The following SPTBN2 variants were observed in gnomAD, a reference collection of about 807,000 sequenced individuals.
The protein encoded by SPTBN2 is spectrin beta chain, non-erythrocytic 2.
A neutral mutation model predicts 284.2 loss-of-function variants in SPTBN2; 107 were observed. That is an observed-to-expected ratio of 0.38 (90% CI 0.32 to 0.44). SPTBN2 has a LOEUF of 0.44. Ranked by LOEUF, SPTBN2 falls within the 20% of genes least tolerant of loss-of-function variation. The pLI, the probability that SPTBN2 is intolerant of heterozygous loss-of-function variation, is 1.00. For missense variants in SPTBN2, 2,569 were observed against 3,287.1 expected (o/e 0.78, Z 5.34); for synonymous variants, 1,289 against 1,354.8 (o/e 0.95, Z 1.07).
rs1362418590 is a variant in SPTBN2 at position 66,718,527 on chromosome 11, CG to C, written c.158-2547del. Among the ~76,000 whole-genome samples the C allele has an allele frequency of 6.6e-6, 1 of 152,212 alleles. No individual in the cohort carries two copies. The highest frequency in any genetic ancestry group is 1.5e-5 in the Non-Finnish European group (1 of 68,042). ...GCAGCTGGTGAAAGCAGGAGGCCCC[CG>C]GGGTTGTGGGCCCCTTCCACAGCCT... On this transcript the variant is annotated intron_variant, in intron 3 of 37. Transcript: ENST00000533211. This position sits in a 1 kb window ranked among gnomAD's most constrained non-coding sequence, Gnocchi z 4.8.
At chr11:66,704,568 C>G in intron 15 of SPTBN2, 30 bp downstream of exon 15, 2 of 1,603,268 alleles carry the variant, frequency 1.2e-6, no homozygotes, top group Non-Finnish European at 1.7e-6. Context: ...CCTCCCAAGG[C>G]TGGTCCCACT....
chr11:66,708,932 G>A lies in SPTBN2; in HGVS notation c.1161C>T (p.Arg387=), dbSNP rs74909073. The A allele has an allele frequency of 4.2e-3, 6,773 of 1,614,018 alleles. 19 individuals carry two copies. Among genetic ancestry groups the A allele is most frequent in the Middle Eastern group, 5.3e-3 (32 of 6,060 alleles). ...RANNQKVYTP[R]EGRLISDINK... is the part of the protein sequence containing the mutation. ...TGATGTCCGAGATGAGCCGGCCCTC[G>A]CGGGGCGTGTAGACCTTCTGGTTGT... Residue 387 remains arginine, a synonymous_variant, in exon 11 of 38, where the codon CGC becomes CGT. Coordinates refer to ENST00000533211, the MANE Select transcript of SPTBN2 (RefSeq NM_006946.4). The surrounding 1 kb of genome is among the most constrained non-coding windows in gnomAD (Gnocchi z 4.4).
chr11:66,727,767 C>T (rs1476998370), intron 1 of SPTBN2, among the ~76,000 whole-genome samples: 1 of 151,676 alleles, frequency 6.6e-6, no homozygotes, highest in Non-Finnish European at 1.5e-5. Flanking sequence ...CGCAGTCCGC[C>T]GGGCAGAGGC....
chr11:66,716,195 A>T (rs753919520), intron 3 of SPTBN2, among the ~76,000 whole-genome samples: 1 of 151,930 alleles, frequency 6.6e-6, no homozygotes, highest in Non-Finnish European at 1.5e-5. Flanking sequence ...GACAGAAAAT[A>T]GGCGAAGGTT....
chr11:66,708,783 T>C lies in SPTBN2; in HGVS notation c.1191+119A>G, dbSNP rs527985976. 9 of 809,020 alleles carry C rather than the reference T, an allele frequency of 1.1e-5. No homozygotes were observed. In the East Asian group the frequency reaches 2.2e-4, roughly 20 times the overall value. The allele number at this position is 809,020 out of a possible 1,614,324, so 50.1% of individuals were successfully genotyped here. A position where few individuals can be genotyped will look rare whatever the true frequency, so the allele number is the denominator to read the frequency against. ...TGGGCAGAGTGCTCGAGTTTCAAGT[T>C]GGGGCAGCAGATAGTAGAACTTGGT... On this transcript the variant is annotated intron_variant, in intron 11 of 37. Transcript: ENST00000533211. The surrounding 1 kb of genome is among the most constrained non-coding windows in gnomAD (Gnocchi z 4.4).
intron 15 of SPTBN2, among the ~76,000 whole-genome samples, chr11:66,702,870 G>A (rs1227535240): frequency 2.0e-5 from 3 of 147,284 alleles, no homozygotes; most frequent in East Asian, 4.2e-4. Flanking sequence ...CCCGGGCGGC[G>A]GAGCTTGCAG....
At chr11:66,744,652 C>T in exon 1 of SPTBN2, 1 of 411,776 alleles carries the variant, frequency 2.4e-6, no homozygotes, top group Non-Finnish European at 3.5e-6. Context: ...GGCGGCGGTT[C>T]GCGGTCTCGG....
intron 16 of SPTBN2, 119 bp from the exon 17 acceptor site, chr11:66,701,401 C>T (rs1402731406): frequency 6.6e-6 from 10 of 1,517,570 alleles, no homozygotes; most frequent in Admixed American, 3.9e-5. Context: ...CCAGCAGCCG[C>T]TTCAGACCAC....
At position 66,708,305 on chromosome 11, in the gene SPTBN2, G is replaced by C. The variant is rs1386087825; in HGVS notation, c.1192-6C>G. ...TTCTCCAGCCGCTCCCAAGCCTATG[G>C]GGTGGGGACAGGGTTAGTGGAAGGG... On this transcript the variant is annotated splice_polypyrimidine_tract_variant and splice_region_variant and intron_variant, in intron 11 of 37. Transcript: ENST00000533211. The surrounding 1 kb of genome is among the most constrained non-coding windows in gnomAD (Gnocchi z 4.4). 6 of 1,585,350 alleles carry C rather than the reference G, an allele frequency of 3.8e-6. No individual in the cohort carries two copies. The highest frequency in any genetic ancestry group is 1.1e-5 in the South Asian group (1 of 87,896).
At chr11:66,737,015 T>G (rs1330113106) in intron 1 of SPTBN2, among the ~76,000 whole-genome samples, 1 of 152,204 alleles carries the variant, frequency 6.6e-6, no homozygotes, top group Non-Finnish European at 1.5e-5. Flanking sequence ...CATCTGTAAA[T>G]CAGGGATAAT....
In SPTBN2 at chr11:66,713,965, T is replaced by C; in HGVS notation, c.656+126A>G. On this transcript the variant is annotated intron_variant, in intron 7 of 37. Coordinates refer to ENST00000533211, the MANE Select transcript of SPTBN2 (RefSeq NM_006946.4). ...GCCCTGCACCCCCATGTTCTGGTTC[T>C]GCTCCGAGTGCTATTCCTTCCGTCT... 3.8e-6 allele frequency: 4 copies of C among 1,057,064 alleles called. No homozygotes were observed. The South Asian group carries it at 5.2e-5, about 14-fold the overall frequency. 65.5% of individuals were successfully genotyped at this position (1,057,064 alleles called of 1,614,324 possible). A position where few individuals can be genotyped will look rare whatever the true frequency, so the allele number is the denominator to read the frequency against.
At chr11:66,727,559 G>A (rs1021190134) in intron 1 of SPTBN2, among the ~76,000 whole-genome samples, 17 of 152,206 alleles carry the variant, frequency 1.1e-4, no homozygotes, top group African/African-American at 4.1e-4. Context: ...CAGCTTCCTG[G>A]CCACAGAAAC....
At position 66,705,850 on chromosome 11, in the gene SPTBN2, C is replaced by G. The variant is rs200980512; in HGVS notation, c.1654-13G>C. 6.2e-7 allele frequency: 1 copy of G among 1,611,714 alleles called. No homozygotes were observed. Among genetic ancestry groups the G allele is most frequent in the Non-Finnish European group, 8.5e-7 (1 of 1,179,644 alleles). ...ACTGCAGCCGGCCCTGCCAGGCACA[C>G]ATGAAGTGCACATGCCCGCCTGAGC... On this transcript the variant is annotated splice_polypyrimidine_tract_variant and intron_variant, in intron 13 of 37. Transcript: ENST00000533211.
In SPTBN2 at chr11:66,686,983, CCT is replaced by C. The variant is rs762643466; in HGVS notation, c.6896+9_6896+10del. ...TCCTCCCATCCCGAGAGCACTGTTC[CCT>C]GTTCCTACCCCAGCTTGAAGACATG... On this transcript the variant is annotated intron_variant, in intron 36 of 37. Coordinates refer to ENST00000533211, the MANE Select transcript of SPTBN2 (RefSeq NM_006946.4). The C allele has an allele frequency of 3.7e-6, 6 of 1,613,678 alleles. No individual in the cohort carries two copies. Among genetic ancestry groups the C allele is most frequent in the Middle Eastern group, 1.6e-4 (1 of 6,084 alleles).
upstream of SPTBN2, among the ~76,000 whole-genome samples, chr11:66,731,375 G>A (rs953861122): frequency 3.3e-5 from 5 of 152,146 alleles, no homozygotes; most frequent in Admixed American, 1.3e-4. Context: ...AAAAGCGAAT[G>A]GAATGATATC....
Position 66,707,892 on chromosome 11 carries a change from GCACTTGGCCTGCAAGATCC to G in SPTBN2, c.1351-93_1351-75del. The G allele has an allele frequency of 6.5e-7, 1 of 1,547,774 alleles. No homozygotes were observed. Among genetic ancestry groups the G allele is most frequent in the Non-Finnish European group, 8.8e-7 (1 of 1,141,350 alleles). The stretch of plus-strand genomic sequence containing the variant: ...TCTGCCTGCTCCTCTGTCCTGCAGG[GCACTTGGCCTGCAAGATCC>G]CAGCTCCATGCGGTGGCTCTAAGTT... On this transcript the variant is annotated intron_variant, in intron 12 of 37. Coordinates refer to ENST00000533211, the MANE Select transcript of SPTBN2 (RefSeq NM_006946.4). This position sits in a 1 kb window ranked among gnomAD's most constrained non-coding sequence, Gnocchi z 4.9.
In SPTBN2 at chr11:66,682,944, G is replaced by A. The variant is rs556607559; in HGVS notation, c.*2927C>T. On this transcript the variant is annotated 3_prime_UTR_variant, in exon 38 of 38. Transcript: ENST00000533211. ...CACCTGGCTAATTTTTGTAGAGATGGGGTTTCACCATGTTGCCCAGGCTGG... is the reference window on the plus strand; with the variant it reads ...CACCTGGCTAATTTTTGTAGAGATGAGGTTTCACCATGTTGCCCAGGCTGG... Among the ~76,000 whole-genome samples, 187 of 151,764 alleles carry A rather than the reference G, an allele frequency of 1.2e-3. No homozygotes were observed. The highest frequency in any genetic ancestry group is 2.0e-3 in the Non-Finnish European group (134 of 67,938).
chr11:66,727,670 G>C (rs551678592), intron 1 of SPTBN2, among the ~76,000 whole-genome samples: 8 of 152,248 alleles, frequency 5.3e-5, no homozygotes, highest in African/African-American at 1.9e-4. Flanking sequence ...CACACACTGT[G>C]GGGGAACAGA....
At chr11:66,705,882 G>T (rs751700419) in intron 13 of SPTBN2, 45 bp from the exon 14 acceptor site, 1 of 1,597,986 alleles carries the variant, frequency 6.3e-7, no homozygotes, top group South Asian at 1.1e-5. Flanking sequence ...GAGCACAGAC[G>T]CGCTAACCTG....
Sources: gnomAD v4.1 joint callset for allele counts (sites outside exome capture counted in the v4.1 genomes callset) on GRCh38, gnomAD v4.1.1 for gene constraint, Gnocchi (gnomAD v3.1) non-coding constraint, MANE v1.5 for transcripts, NCBI Gene and HGNC (gene_info 2026-07-23, HGNC 2026-07-21) for gene names.